PIGQ: variants seen among roughly 807,000 people sequenced by gnomAD.
The protein encoded by PIGQ is phosphatidylinositol glycan anchor biosynthesis class Q, also known as phosphatidylinositol N-acetylglucosaminyltransferase subunit Q.
PIGQ carries 54 observed loss-of-function variants against 60.3 expected under a neutral mutation model. That is an observed-to-expected ratio of 0.90 (90% confidence interval 0.72 to 1.12). The LOEUF is 1.12. Among genes scored for constraint, PIGQ ranks in the 50% most tolerant of loss-of-function variants. The pLI, the probability that PIGQ is intolerant of heterozygous loss-of-function variation, is 0.00. For missense variants in PIGQ, 799 were observed against 793.5 expected, an observed-to-expected ratio of 1.01 and a Z score of -0.08; for synonymous variants, 416 against 363.7, an observed-to-expected ratio of 1.14 and a Z score of -1.64.
intron 1 of PIGQ, among the ~76,000 whole-genome samples, chr16:573,732 G>A (rs963011621): frequency 6.6e-6 from 1 of 152,200 alleles, no homozygotes; most frequent in African/African-American, 2.4e-5. Flanking sequence ...CCCCACAGCC[G>A]CGTCAGGTGG....
chr16:571,611 C>CGTGT lies in PIGQ; in HGVS notation c.-10+1536_-10+1539dup, dbSNP rs4006749. Reference sequence around the variant, plus strand: ...GTGTGTGTGTGGCTAGCCTGGCGCCCGTGTGTGTGTGTGTGTGTGTGTGTT... The same window carrying CGTGT: ...GTGTGTGTGTGGCTAGCCTGGCGCCCGTGTGTGTGTGTGTGTGTGTGTGTGTGTT... On this transcript the variant is annotated intron_variant, in intron 1 of 10. Coordinates refer to ENST00000321878, the MANE Select transcript of PIGQ (RefSeq NM_004204.5). Among the ~76,000 whole-genome samples the CGTGT allele has an allele frequency of 1.0e-3, 128 of 125,104 alleles. 2 individuals carry two copies. Among genetic ancestry groups the CGTGT allele is most frequent in the Middle Eastern group, 4.3e-3 (1 of 230 alleles). The allele number at this position is 125,104 out of a possible 152,430, so 82.1% of individuals were successfully genotyped here.
In PIGQ at chr16:576,264, C is replaced by G. The variant is rs1171600774; in HGVS notation, c.942+10C>G. ...CGTTCCTGTGGCTGACGTGAGTGGA[C>G]TGGGGTGGAGCCCGGTGTCCCGGGT... On this transcript the variant is annotated intron_variant, in intron 4 of 10. Transcript: ENST00000321878. 5 of 1,554,342 alleles carry G rather than the reference C, an allele frequency of 3.2e-6. No homozygotes were observed. Among genetic ancestry groups the G allele is most frequent in the Non-Finnish European group, 4.3e-6 (5 of 1,149,622 alleles).
rs746458449 is a variant in PIGQ at position 574,176 on chromosome 16, G to T, written c.102G>T (p.Ala34=). The stretch of plus-strand genomic sequence containing the variant: ...AGCAGAGCAGCGCCGTGGTCCTGGC[G>T]GTCCTGCACTTTCCCTTCATCCCCA... ...VPEQSSAVVL[A]VLHFPFIPIQ... The change falls in exon 2 of 11, where the codon GCG becomes GCT. Residue 34 remains alanine (A), a synonymous_variant. Transcript: ENST00000321878. 1.2e-6 allele frequency: 2 copies of T among 1,612,596 alleles called. No individual in the cohort carries two copies. The highest frequency in any genetic ancestry group is 1.3e-5 in the African/African-American group (1 of 75,046).
intron 6 of PIGQ, 47 bp from the exon 7 acceptor site, chr16:579,022 G>C (rs757739616): frequency 1.3e-6 from 2 of 1,507,886 alleles, no homozygotes; most frequent in Non-Finnish European, 1.8e-6. Flanking sequence ...GGGCGGGGGC[G>C]GGGCGGGGCG....
intron 1 of PIGQ, among the ~76,000 whole-genome samples, chr16:571,289 C>CGTGTGT (rs1194102863): frequency 0.058 from 176 of 3,042 alleles, no homozygotes; most frequent in South Asian, 0.13. Flanking sequence ...GCCTGGCGCC[C>CGTGTGT]GTGTGTGTGT....
Position 576,269 on chromosome 16 carries a change from G to A in PIGQ, c.942+15G>A. 6.4e-7 allele frequency: 1 copy of A among 1,552,494 alleles called. No individual in the cohort carries two copies. The highest frequency in any genetic ancestry group is 2.4e-5 in the East Asian group (1 of 41,622). ...CTGTGGCTGACGTGAGTGGACTGGG[G>A]TGGAGCCCGGTGTCCCGGGTGGGCG... is the stretch of plus-strand genomic sequence containing the variant. On this transcript the variant is annotated intron_variant, in intron 4 of 10. Coordinates refer to ENST00000321878, the MANE Select transcript of PIGQ (RefSeq NM_004204.5).
intron 1 of PIGQ, 141 bp from the exon 2 acceptor site, chr16:573,925 G>T (rs933081476): frequency 3.2e-6 from 2 of 618,468 alleles, no homozygotes; most frequent in Non-Finnish European, 5.6e-6. Flanking sequence ...GCCCTACGGC[G>T]TCCACCACCG....
chr16:575,896 G>A lies in PIGQ; in HGVS notation c.747G>A (p.Gln249=), dbSNP rs1327635951. 2 of 1,577,126 alleles carry A rather than the reference G, an allele frequency of 1.3e-6. No individual in the cohort carries two copies. The highest frequency in any genetic ancestry group is 1.2e-5 in the South Asian group (1 of 86,348). The stretch of plus-strand genomic sequence containing the variant: ...GGAGCAAACTCTCCACGTGCGAACA[G>A]CTCCGGCACCGGCTGGAGCACCTCA... ...FLGSKLSTCE[Q]LRHRLEHLTL... The change falls in exon 3 of 11, where the codon CAG becomes CAA. Residue 249 remains glutamine, a synonymous_variant. Coordinates refer to ENST00000321878, the MANE Select transcript of PIGQ (RefSeq NM_004204.5).
At chr16:575,384 T>C (rs2384978) in intron 2 of PIGQ, among the ~76,000 whole-genome samples, 68,759 of 151,756 alleles carry the variant, frequency 0.45, 15,935 homozygotes, top group East Asian at 0.64. Context: ...CTGGCGGAGG[T>C]GCCCCATGGG....
At chr16:576,769 T>G (rs2035726084) in intron 4 of PIGQ, 1 of 386,746 alleles carries the variant, frequency 2.6e-6, no homozygotes, top group South Asian at 1.3e-4. Context: ...GTGCCCCGTT[T>G]CCAGCCGGGT....
At chr16:577,393 C>A (rs556543053) in intron 4 of PIGQ, among the ~76,000 whole-genome samples, 3 of 151,936 alleles carry the variant, frequency 2.0e-5, no homozygotes, top group African/African-American at 4.8e-5. Context: ...CTGGCTAACA[C>A]AGTGAAATCC....
At chr16:578,578 C>A in intron 5 of PIGQ, 73 bp downstream of exon 5, 1 of 1,528,836 alleles carries the variant, frequency 6.5e-7, no homozygotes, top group South Asian at 1.2e-5. Flanking sequence ...AGCCAGACCC[C>A]GCCCCCTGTG....
At chr16:576,844 C>T (rs756655863) in intron 4 of PIGQ, 5 of 256,108 alleles carry the variant, frequency 2.0e-5, no homozygotes, top group Non-Finnish European at 3.7e-5. Context: ...GCTTCTCTGT[C>T]TTCCTCCCTC....
chr16:570,147 G>C (rs2035597626), intron 1 of PIGQ, 51 bp downstream of exon 1: 1 of 151,322 alleles, frequency 6.6e-6, no homozygotes, highest in African/African-American at 2.4e-5. Context: ...CAGCGCCCCT[G>C]CGGCTCCGGG....
chr16:582,560 G>A, intron 10 of PIGQ: 1 of 569,044 alleles, frequency 1.8e-6, no homozygotes. Context: ...GCTGGCTGGG[G>A]CTGCCCTGGG....
rs1171688627 is a variant in PIGQ at position 571,067 on chromosome 16, G to GCCTAGCC, written c.-10+971_-10+972insCCTAGCC. 1.6e-3 allele frequency among the ~76,000 whole-genome samples: 24 copies of GCCTAGCC among 14,892 alleles called. 2 individuals carry two copies. The East Asian group carries it at 0.047, about 29-fold the overall frequency. The allele number at this position is 14,892 out of a possible 152,430, so 9.8% of individuals were successfully genotyped here. A position where few individuals can be genotyped will look rare whatever the true frequency, so the allele number is the denominator to read the frequency against. ...TGTGTGTGTGTGTGTGTGTGTGTGT[G>GCCTAGCC]TGTGTGTGTGTGTGTGTGTGTGTGT... On this transcript the variant is annotated intron_variant, in intron 1 of 10. Transcript: ENST00000321878.
At chr16:577,532 T>C (rs545689883) in intron 4 of PIGQ, among the ~76,000 whole-genome samples, 6 of 139,114 alleles carry the variant, frequency 4.3e-5, no homozygotes, top group Admixed American at 1.4e-4. Context: ...AGCCGAGATC[T>C]CACCACTGCA....
rs1596383536 is a variant in PIGQ, at chr16:575,834, C to T, written c.690-5C>T. The T allele has an allele frequency of 1.6e-5, 25 of 1,559,862 alleles. No individual in the cohort carries two copies. Among genetic ancestry groups the T allele is most frequent in the Non-Finnish European group, 2.0e-5 (23 of 1,151,934 alleles). On this transcript the variant is annotated splice_polypyrimidine_tract_variant and splice_region_variant and intron_variant, in intron 2 of 10. Transcript: ENST00000321878. Reference sequence around the variant, plus strand: ...GACACATCACTCCTCTCCACTCCCACGCAGAGTGTTCAAGCTCTGGCCCCT... The same window carrying T: ...GACACATCACTCCTCTCCACTCCCATGCAGAGTGTTCAAGCTCTGGCCCCT...
chr16:578,989 C>T (rs752825162), intron 6 of PIGQ, 51 bp downstream of exon 6: 1 of 1,229,216 alleles, frequency 8.1e-7, no homozygotes, highest in South Asian at 1.3e-5. Context: ...TGCAGAGGCT[C>T]CGGCTGGGCG....
Sources: gnomAD v4.1 joint callset for allele counts (sites outside exome capture counted in the v4.1 genomes callset) on GRCh38, gnomAD v4.1.1 for gene constraint, MANE v1.5 for transcripts, NCBI Gene and HGNC (gene_info 2026-07-23, HGNC 2026-07-21) for gene names.